DENND3: variants seen among roughly 807,000 people sequenced by gnomAD.
The protein encoded by DENND3 is DENN domain containing 3.
Under a neutral mutation model 135.1 loss-of-function variants are expected in DENND3, and 88 were observed. The ratio of observed to expected loss-of-function variants is 0.65; its 90% CI spans 0.55 to 0.78. The LOEUF (loss-of-function observed/expected upper bound fraction) is 0.78. Ranked by LOEUF, DENND3 falls within the 30% of genes least tolerant of loss-of-function variation. The pLI is 0.00. For synonymous variants in DENND3, 693 were observed against 712.3 expected (o/e 0.97, Z 0.43); for missense variants, 1,392 against 1,688.4 (o/e 0.82, Z 3.08).
At chr8:141,163,119 C>T (rs1382350543) in intron 9 of DENND3, among the ~76,000 whole-genome samples, 1 of 152,208 alleles carries the variant, frequency 6.6e-6, no homozygotes, top group African/African-American at 2.4e-5. Context: ...AACAGGAACA[C>T]TGCCTCCTGT....
rs1823001299 is a variant in DENND3 at position 141,180,827 on chromosome 8, G to A, written c.2917G>A (p.Ala973Thr). 6.2e-7 allele frequency: 1 copy of A among 1,612,854 alleles called. No homozygotes were observed. Among genetic ancestry groups the A allele is most frequent in the Admixed American group, 1.7e-5 (1 of 59,856 alleles). ...NPSAGEAFPQ[A>T]VDVLLYTPGH... is the part of the protein sequence containing the mutation. ...CTCGGCGGGGGAGGCGTTCCCACAA[G>A]CGGTGGACGTGCTGCTCTACACTCC... Residue 973 changes from alanine (A) to threonine (T), a missense_variant, in exon 17 of 23, where the codon GCG (alanine) becomes ACG (threonine). Ala to Thr is a moderately conservative substitution (Grantham distance 58). Transcript: ENST00000519811.
chr8:141,147,563 C>T (rs549637071), intron 5 of DENND3, among the ~76,000 whole-genome samples: 12 of 152,344 alleles, frequency 7.9e-5, no homozygotes, highest in Non-Finnish European at 1.0e-4. Flanking sequence ...AGCTGTGGCT[C>T]ATCTCTGGTC....
At position 141,138,599 on chromosome 8, in the gene DENND3, T is replaced by C. The variant is rs531073507; in HGVS notation, c.501+462T>C. On this transcript the variant is annotated intron_variant, in intron 3 of 22. Coordinates refer to ENST00000519811, the MANE Select transcript of DENND3 (RefSeq NM_001352890.3). This position sits in a 1 kb window ranked among gnomAD's most constrained non-coding sequence, Gnocchi z 4.8. ...CGGGGTTTCACCATGTTGGCCGGGC[T>C]GGTTTCGAACTCCTGACCTCAGGTG... Among the ~76,000 whole-genome samples, 10 of 152,100 alleles carry C rather than the reference T, an allele frequency of 6.6e-5. No individual in the cohort carries two copies. The highest frequency in any genetic ancestry group is 3.3e-4 in the Admixed American group (5 of 15,264).
chr8:141,136,133 G>T (rs886238877), intron 1 of DENND3, among the ~76,000 whole-genome samples: 2 of 152,210 alleles, frequency 1.3e-5, no homozygotes, highest in Admixed American at 1.3e-4. Flanking sequence ...TGTACTCGCC[G>T]CTTAAAGGGA....
Position 141,188,880 on chromosome 8 carries a change from A to G in DENND3, c.3085-106A>G. On this transcript the variant is annotated intron_variant, in intron 18 of 22. Coordinates refer to ENST00000519811, the MANE Select transcript of DENND3 (RefSeq NM_001352890.3). ...CTGAGCCGGCGTGTCCCCTAGGAGC[A>G]GTGGTTCCATATCCGCTAATTCAGC... 3.5e-6 allele frequency: 5 copies of G among 1,429,846 alleles called. No individual in the cohort carries two copies. In the South Asian group the frequency reaches 7.2e-5, roughly 21 times the overall value. 88.6% of individuals were successfully genotyped at this position (1,429,846 alleles called of 1,614,324 possible).
Position 141,192,374 on chromosome 8 carries a change from C to G in DENND3, c.3423C>G (p.Leu1141=). Residue 1141 remains leucine (L), a synonymous_variant, in exon 21 of 23, where the codon CTC becomes CTG. Coordinates refer to ENST00000519811, the MANE Select transcript of DENND3 (RefSeq NM_001352890.3). ...SIMVMKMNGS[L]HQELKIEENF... is the part of the protein sequence containing the mutation. The stretch of plus-strand genomic sequence containing the variant: ...TGGTCATGAAAATGAATGGATCCCT[C>G]CATCAAGAATTGAAGATTGAGGAGA... 6.2e-7 allele frequency: 1 copy of G among 1,614,222 alleles called. No homozygotes were observed.
At chr8:141,186,516 T>C (rs1823910309) in intron 18 of DENND3, among the ~76,000 whole-genome samples, 1 of 152,044 alleles carries the variant, frequency 6.6e-6, no homozygotes, top group Admixed American at 6.6e-5. Flanking sequence ...ATATGTTGAG[T>C]TTTTTTTGCA....
chr8:141,192,482 G>A (rs773185414), intron 21 of DENND3, 33 bp downstream of exon 21: 1 of 1,613,268 alleles, frequency 6.2e-7, no homozygotes. Context: ...CCCAGCATGT[G>A]CGTGGCCCGG....
At position 141,138,227 on chromosome 8, in the gene DENND3, C is replaced by A; in HGVS notation, c.501+90C>A. 7.5e-7 allele frequency: 1 copy of A among 1,329,646 alleles called. No homozygotes were observed. The highest frequency in any genetic ancestry group is 1.0e-6 in the Non-Finnish European group (1 of 953,098). 82.4% of individuals were successfully genotyped at this position (1,329,646 alleles called of 1,614,324 possible). A position where few individuals can be genotyped will look rare whatever the true frequency, so the allele number is the denominator to read the frequency against. ...ATAACACAACATTCACCATTCTAAC[C>A]ATTTTAAAGTGTGCAGTTCCGTAAC... is the stretch of plus-strand genomic sequence containing the variant. On this transcript the variant is annotated intron_variant, in intron 3 of 22. Transcript: ENST00000519811. This position sits in a 1 kb window ranked among gnomAD's most constrained non-coding sequence, Gnocchi z 4.8.
intron 4 of DENND3, chr8:141,142,607 A>T (rs1175458038): frequency 3.1e-6 from 1 of 320,584 alleles, no homozygotes; most frequent in African/African-American, 2.3e-5. Context: ...TTGAGAACAG[A>T]GAGGTGACTT....
chr8:141,183,062 C>T (rs1261468225), intron 17 of DENND3, among the ~76,000 whole-genome samples: 1 of 152,160 alleles, frequency 6.6e-6, no homozygotes, highest in African/African-American at 2.4e-5. Context: ...GCGGTCAGGC[C>T]CAAGGGGGCC....
chr8:141,164,692 C>T (rs763078819), intron 10 of DENND3, among the ~76,000 whole-genome samples: 13 of 152,216 alleles, frequency 8.5e-5, no homozygotes, highest in African/African-American at 7.2e-5. Flanking sequence ...ATGCAGGCTC[C>T]GGGAGCTCCC....
Position 141,168,450 on chromosome 8 carries a change from A to C in DENND3, c.2200A>C (p.Met734Leu). Reference sequence around the variant, plus strand: ...GAAGCACATGCAGCTGGGCGACTTCATGAAGCGGGTCCAGGAGTCAGGGAT... The same window carrying C: ...GAAGCACATGCAGCTGGGCGACTTCCTGAAGCGGGTCCAGGAGTCAGGGAT... ...PKKHMQLGDF[M>L]KRVQESGIVK... is the part of the protein sequence containing the mutation. Residue 734 changes from methionine (M) to leucine (L), a missense_variant, in exon 13 of 23, where the codon ATG (methionine) becomes CTG (leucine). By Grantham distance (15) the Met-to-Leu change is conservative. Transcript: ENST00000519811. This position sits in a 1 kb window ranked among gnomAD's most constrained non-coding sequence, Gnocchi z 6.2. 6.2e-7 allele frequency: 1 copy of C among 1,613,830 alleles called. No individual in the cohort carries two copies.
At chr8:141,151,559 C>T in intron 6 of DENND3, 60 bp from the exon 7 acceptor site, 2 of 1,467,652 alleles carry the variant, frequency 1.4e-6, no homozygotes, top group Admixed American at 1.7e-5. Context: ...CAGCGAGACC[C>T]TGTCTGTATT....
rs1165258328 is a variant in DENND3, at chr8:141,144,109, C to T, written c.624-39C>T. On this transcript the variant is annotated intron_variant, in intron 4 of 22. Transcript: ENST00000519811. This position sits in a 1 kb window ranked among gnomAD's most constrained non-coding sequence, Gnocchi z 4.4. Reference sequence around the variant, plus strand: ...CTAACGATGACAACTGCGTTCTCATCTTTATTTTGCGGTTTGAGTTTTGTG... The same window carrying T: ...CTAACGATGACAACTGCGTTCTCATTTTTATTTTGCGGTTTGAGTTTTGTG... The T allele has an allele frequency of 3.2e-6, 5 of 1,552,414 alleles. No homozygotes were observed. In the South Asian group the frequency reaches 5.7e-5, roughly 18 times the overall value.
intron 14 of DENND3, among the ~76,000 whole-genome samples, 157 bp from the exon 15 acceptor site, chr8:141,176,431 CACT>C (rs1329200180): frequency 6.6e-6 from 1 of 152,194 alleles, no homozygotes; most frequent in East Asian, 1.9e-4. Flanking sequence ...TCCATGGGAA[CACT>C]GCCCCTCACC....
chr8:141,194,416 G>C lies in DENND3; in HGVS notation c.*183G>C. On this transcript the variant is annotated 3_prime_UTR_variant, in exon 23 of 23. Transcript: ENST00000519811. ...GCCACGCACCTTCTCTCAGGCCTTC[G>C]GGCCCCCTGGTTAAACTGCACCAAG... 1 of 666,758 alleles carries C rather than the reference G, an allele frequency of 1.5e-6. No homozygotes were observed. The highest frequency in any genetic ancestry group is 2.5e-6 in the Non-Finnish European group (1 of 396,992). The allele number at this position is 666,758 out of a possible 1,614,324, so 41.3% of individuals were successfully genotyped here. A position where few individuals can be genotyped will look rare whatever the true frequency, so the allele number is the denominator to read the frequency against.
At chr8:141,183,912 G>A (rs933970161) in intron 17 of DENND3, among the ~76,000 whole-genome samples, 1 of 152,178 alleles carries the variant, frequency 6.6e-6, no homozygotes, top group Non-Finnish European at 1.5e-5. Context: ...GGAGCAGCGT[G>A]CTTTCCGCCA....
rs1824321914 is a variant in DENND3 at position 141,189,038 on chromosome 8, C to T, written c.3137C>T (p.Ser1046Phe). Residue 1046 changes from serine (S) to phenylalanine (F), a missense_variant, in exon 19 of 23, where the codon TCC (serine) becomes TTC (phenylalanine). Coordinates refer to ENST00000519811, the MANE Select transcript of DENND3 (RefSeq NM_001352890.3). ...CAGGTGTGGGTTGGCTCGGAAGACTCCGTCATCTACATCATCAACGTCCAC... is the reference window on the plus strand; with the variant it reads ...CAGGTGTGGGTTGGCTCGGAAGACTTCGTCATCTACATCATCAACGTCCAC... ...QNQVWVGSED[S>F]VIYIINVHSM... The T allele has an allele frequency of 5.0e-6, 8 of 1,614,206 alleles. No individual in the cohort carries two copies. The highest frequency in any genetic ancestry group is 2.2e-5 in the East Asian group (1 of 44,892).
Sources: allele counts gnomAD v4.1 joint callset (sites outside exome capture counted in the v4.1 genomes callset), GRCh38; gene constraint gnomAD v4.1.1; non-coding constraint Gnocchi (gnomAD v3.1); transcripts MANE v1.5; gene names NCBI Gene and HGNC (gene_info 2026-07-23, HGNC 2026-07-21).